The following ENPP3 variants were observed in gnomAD, a reference collection of about 807,000 sequenced individuals.
ENPP3 encodes ectonucleotide pyrophosphatase/phosphodiesterase 3.
In ENPP3, 104 loss-of-function variants were observed where a neutral mutation model predicts 117.8. The observed-to-expected ratio is 0.88, with a 90% CI of 0.75 to 1.04. The LOEUF is 1.04. ENPP3 is among the 50% of genes least tolerant of loss of function. The pLI, the probability that ENPP3 is intolerant of heterozygous loss-of-function variation, is 0.00. For missense variants in ENPP3, 1,026 were observed against 1,051.9 expected, an observed-to-expected ratio of 0.98 and a Z score of 0.34; for synonymous variants, 380 against 349.9, an observed-to-expected ratio of 1.09 and a Z score of -0.96.
chr6:131,679,196 G>T (rs1271415834), intron 11 of ENPP3, among the ~76,000 whole-genome samples: 2 of 151,370 alleles, frequency 1.3e-5, no homozygotes. Context: ...CCGGATTCAA[G>T]CAGTTCTCCT....
chr6:131,720,435 G>T (rs1379511052), intron 17 of ENPP3, 56 bp downstream of exon 17: 10 of 883,076 alleles, frequency 1.1e-5, no homozygotes, highest in Middle Eastern at 2.3e-4. Context: ...AAATATATGT[G>T]ATTTGAAATT....
intron 9 of ENPP3, 89 bp downstream of exon 9, chr6:131,675,278 C>A: frequency 1.1e-6 from 1 of 906,270 alleles, no homozygotes; most frequent in Non-Finnish European, 1.8e-6. Flanking sequence ...TCTATTAATC[C>A]AGTTGTTTAA....
intron 20 of ENPP3, among the ~76,000 whole-genome samples, chr6:131,730,509 AG>A (rs1421821175): frequency 6.6e-6 from 1 of 152,220 alleles, no homozygotes; most frequent in East Asian, 1.9e-4. Flanking sequence ...AGAAAGAAAA[AG>A]GGGAAGATAC....
intron 15 of ENPP3, among the ~76,000 whole-genome samples, chr6:131,713,334 T>G (rs1779827100): frequency 6.6e-6 from 1 of 151,488 alleles, no homozygotes; most frequent in Non-Finnish European, 1.5e-5. Context: ...AGAATTTTTT[T>G]CTATATTTTG....
At chr6:131,717,349 G>T (rs936735158) in intron 15 of ENPP3, among the ~76,000 whole-genome samples, 14 of 127,028 alleles carry the variant, frequency 1.1e-4, no homozygotes, top group Non-Finnish European at 1.8e-4. Flanking sequence ...AACCCTGCGG[G>T]GGGTGTGTGT....
intron 21 of ENPP3, 117 bp downstream of exon 21, chr6:131,733,840 C>A: frequency 9.4e-7 from 1 of 1,060,642 alleles, no homozygotes; most frequent in Non-Finnish European, 1.4e-6. Flanking sequence ...AGCTAGCTGC[C>A]TGAGAGGCTT....
intron 14 of ENPP3, among the ~76,000 whole-genome samples, chr6:131,688,537 A>G (rs372374734): frequency 2.2e-4 from 33 of 152,324 alleles, no homozygotes; most frequent in Middle Eastern, 6.8e-3. Flanking sequence ...TATTCTAGTG[A>G]ATACATACAT....
At chr6:131,668,552 T>C (rs1253836018) in intron 6 of ENPP3, among the ~76,000 whole-genome samples, 1 of 152,178 alleles carries the variant, frequency 6.6e-6, no homozygotes, top group Non-Finnish European at 1.5e-5. Flanking sequence ...CTGGTTGCTT[T>C]ACCTACTCAC....
In ENPP3 at chr6:131,679,315, G is replaced by C. The variant is rs147541249; in HGVS notation, c.1011+1375G>C. On this transcript the variant is annotated intron_variant, in intron 11 of 24. Coordinates refer to ENST00000357639, the MANE Select transcript of ENPP3 (RefSeq NM_005021.5). ...TCACCATTTTGGCCAGGATGGTCTT[G>C]AACTCCTGACCTCAGGTGATCCACC... Among the ~76,000 whole-genome samples, 969 of 151,864 alleles carry C rather than the reference G, an allele frequency of 6.4e-3. 6 individuals are homozygous for C. Among genetic ancestry groups the C allele is most frequent in the African/African-American group, 0.022 (916 of 41,412 alleles).
chr6:131,722,208 TA>T lies in ENPP3; in HGVS notation c.1568-17del. ...TTTCCAGTGTAAAGCTACTTTGAAC[TA>T]ATTTTTTCAAAAAACAGATCTTCTA... On this transcript the variant is annotated intron_variant, in intron 17 of 24. Transcript: ENST00000357639. The T allele has an allele frequency of 6.3e-7, 1 of 1,599,906 alleles. No individual in the cohort carries two copies. The highest frequency in any genetic ancestry group is 2.2e-5 in the East Asian group (1 of 44,798).
chr6:131,649,156 G>C (rs990068265), intron 2 of ENPP3, among the ~76,000 whole-genome samples: 2 of 151,944 alleles, frequency 1.3e-5, no homozygotes, highest in African/African-American at 4.8e-5. Flanking sequence ...CTTCCTTCAG[G>C]CCCTTATCAT....
chr6:131,722,134 G>A, intron 17 of ENPP3, 93 bp from the exon 18 acceptor site: 1 of 834,998 alleles, frequency 1.2e-6, no homozygotes. Context: ...TAAAGGGAGT[G>A]AAAGAGTAGG....
At chr6:131,639,265 A>ATTT (rs1554259595) in intron 1 of ENPP3, among the ~76,000 whole-genome samples, 4,537 of 107,078 alleles carry the variant, frequency 0.042, 203 homozygotes, top group African/African-American at 0.08. Flanking sequence ...ATATATATAT[A>ATTT]TTTTTTTTTT....
At chr6:131,653,739 A>G (rs571097634) in intron 5 of ENPP3, among the ~76,000 whole-genome samples, 102 of 152,158 alleles carry the variant, frequency 6.7e-4, no homozygotes, top group African/African-American at 2.4e-3. Context: ...ACATCTTGGC[A>G]CCTCAAATTT....
intron 20 of ENPP3, 76 bp downstream of exon 20, chr6:131,726,276 G>A: frequency 1.4e-6 from 2 of 1,392,302 alleles, no homozygotes; most frequent in Non-Finnish European, 2.0e-6. Flanking sequence ...GTTGAATTTT[G>A]TTTTGCAGCA....
intron 20 of ENPP3, among the ~76,000 whole-genome samples, chr6:131,731,465 A>G (rs1424963246): frequency 1.3e-5 from 2 of 152,152 alleles, no homozygotes; most frequent in African/African-American, 2.4e-5. Context: ...GGGCAATGAG[A>G]TTGGGGAATC....
chr6:131,690,922 A>G (rs1779263411), intron 14 of ENPP3, among the ~76,000 whole-genome samples: 1 of 152,006 alleles, frequency 6.6e-6, no homozygotes, highest in African/African-American at 2.4e-5. Flanking sequence ...CTAAATCCAT[A>G]TATGGTTTTC....
intron 20 of ENPP3, among the ~76,000 whole-genome samples, chr6:131,730,459 C>T (rs1780252239): frequency 6.6e-6 from 1 of 152,212 alleles, no homozygotes; most frequent in South Asian, 2.1e-4. Flanking sequence ...TCTTGGTTTA[C>T]TTCTTGTTTT....
chr6:131,726,660 G>A, intron 20 of ENPP3, among the ~76,000 whole-genome samples: 1 of 152,160 alleles, frequency 6.6e-6, no homozygotes, highest in East Asian at 1.9e-4. Context: ...AATAGGCATA[G>A]TTCTTCTCTG....
Sources: gnomAD v4.1 joint callset for allele counts (sites outside exome capture counted in the v4.1 genomes callset) on GRCh38, gnomAD v4.1.1 for gene constraint, MANE v1.5 for transcripts, NCBI Gene and HGNC (gene_info 2026-07-23, HGNC 2026-07-21) for gene names.